Variants in GRM8 observed in about 807,000 individuals in gnomAD.
The protein encoded by GRM8 is metabotropic glutamate receptor 8.
In GRM8, 47 loss-of-function variants were observed where a neutral mutation model predicts 87.2. That is an observed-to-expected ratio of 0.54 (90% CI 0.43 to 0.69). The LOEUF (loss-of-function observed/expected upper bound fraction) is 0.69, where lower values mean the gene tolerates loss of function less well. GRM8 is among the 30% of genes least tolerant of loss of function. The pLI is 0.00. For missense variants in GRM8, 1,019 were observed against 1,139.2 expected (o/e 0.89, Z 1.52); for synonymous variants, 396 against 404.5 (o/e 0.98, Z 0.25).
chr7:127,222,277 A>G (rs1032638540), intron 2 of GRM8, among the ~76,000 whole-genome samples: 1 of 152,176 alleles, frequency 6.6e-6, no homozygotes, highest in African/African-American at 2.4e-5. Flanking sequence ...GCGTGGTGGC[A>G]CATACCTATG....
intron 3 of GRM8, among the ~76,000 whole-genome samples, chr7:127,024,064 T>G (rs1403814057): frequency 1.3e-5 from 2 of 152,092 alleles, no homozygotes; most frequent in Non-Finnish European, 2.9e-5. Context: ...ATAAAGTAGC[T>G]TTTTTAAAAG....
At chr7:126,543,358 C>T (rs1305256293) in intron 8 of GRM8, among the ~76,000 whole-genome samples, 1 of 152,166 alleles carries the variant, frequency 6.6e-6, no homozygotes, top group Non-Finnish European at 1.5e-5. Context: ...AAGAATCCCT[C>T]CTTCCTCTAG....
intron 6 of GRM8, among the ~76,000 whole-genome samples, chr7:126,813,299 G>A (rs1032958367): frequency 1.3e-5 from 2 of 152,028 alleles, no homozygotes; most frequent in African/African-American, 2.4e-5. Flanking sequence ...CTTCACCAAG[G>A]TTATGAGCCT....
chr7:126,739,391 C>T (rs1248934197), intron 7 of GRM8, among the ~76,000 whole-genome samples: 3 of 149,374 alleles, frequency 2.0e-5, no homozygotes, highest in African/African-American at 7.4e-5. Context: ...TCCAAAGTTA[C>T]TCAAAATTGT....
intron 7 of GRM8, among the ~76,000 whole-genome samples, chr7:126,760,806 A>C (rs1292501311): frequency 1.3e-5 from 2 of 152,216 alleles, no homozygotes; most frequent in Non-Finnish European, 2.9e-5. Flanking sequence ...TAGACAAGTA[A>C]ATTTAATCAT....
Position 126,903,565 on chromosome 7 carries a change from T to TACACACAC in GRM8, c.1018+399_1018+406dup, listed in dbSNP as rs35182354. 2.1e-4 allele frequency among the ~76,000 whole-genome samples: 25 copies of TACACACAC among 118,570 alleles called. 2 individuals are homozygous for TACACACAC. The highest frequency in any genetic ancestry group is 8.3e-4 in the Admixed American group (9 of 10,902). The allele number at this position is 118,570 out of a possible 152,430, so 77.8% of individuals were successfully genotyped here. On this transcript the variant is annotated intron_variant, in intron 5 of 10. Transcript: ENST00000339582. ...TAATGGGTCCTCTTTCCTAAATACA[T>TACACACAC]ACACACACACACACACACACACACA...
At chr7:126,530,171 C>G (rs1301798707) in intron 9 of GRM8, among the ~76,000 whole-genome samples, 1 of 152,210 alleles carries the variant, frequency 6.6e-6, no homozygotes, top group African/African-American at 2.4e-5. Flanking sequence ...TCTGTCTAAA[C>G]TTTTCAACTA....
rs71576286 is a variant in GRM8 at position 126,642,773 on chromosome 7, G to A, written c.1358-33275C>T. 9.5e-3 allele frequency among the ~76,000 whole-genome samples: 1,453 copies of A among 152,214 alleles called. 20 individuals are homozygous for A. Among genetic ancestry groups the A allele is most frequent in the Middle Eastern group, 0.017 (5 of 294 alleles). ...CCTTTAAGAGGCAGTGTTGCTAGTGGTCAAAAACACACTTGCTGGAATCAG... is the reference window on the plus strand; with the variant it reads ...CCTTTAAGAGGCAGTGTTGCTAGTGATCAAAAACACACTTGCTGGAATCAG... On this transcript the variant is annotated intron_variant, in intron 7 of 10. Coordinates refer to ENST00000339582, the MANE Select transcript of GRM8 (RefSeq NM_000845.3).
At chr7:127,203,985 T>C (rs1795765442) in intron 2 of GRM8, among the ~76,000 whole-genome samples, 1 of 152,154 alleles carries the variant, frequency 6.6e-6, no homozygotes, top group Admixed American at 6.5e-5. Flanking sequence ...ACAGGTCAAA[T>C]TGAAATGTTT....
At chr7:126,669,647 C>T (rs571415825) in intron 7 of GRM8, among the ~76,000 whole-genome samples, 21 of 152,224 alleles carry the variant, frequency 1.4e-4, no homozygotes, top group Middle Eastern at 3.4e-3. Context: ...CCTTATTATG[C>T]TATAGTCAAA....
chr7:127,242,769 T>C lies in GRM8; in HGVS notation c.436A>G (p.Lys146Glu), dbSNP rs1798380703. 1.9e-6 allele frequency: 3 copies of C among 1,614,234 alleles called. No homozygotes were observed. Among genetic ancestry groups the C allele is most frequent in the Non-Finnish European group, 2.5e-6 (3 of 1,180,042 alleles). ...GDPPIFTKPD[K>E]ISGVIGAAAS... ...GCAGCACCTATGACGCCAGAAATCTTGTCGGGCTTGGTGAAAATGGGTGGA... is the reference window on the plus strand; with the variant it reads ...GCAGCACCTATGACGCCAGAAATCTCGTCGGGCTTGGTGAAAATGGGTGGA... The change falls in exon 2 of 11, where the codon AAG becomes GAG. Residue 146 changes from lysine to glutamate, a missense_variant. Lys to Glu is a moderately conservative substitution (Grantham distance 56, BLOSUM62 1). Transcript: ENST00000339582.
At chr7:126,942,848 CAG>C (rs968264458) in intron 3 of GRM8, among the ~76,000 whole-genome samples, 7 of 152,236 alleles carry the variant, frequency 4.6e-5, no homozygotes, top group African/African-American at 1.7e-4. Flanking sequence ...GGTCATTAAA[CAG>C]AGAGTACTCT....
At chr7:126,728,222 A>C (rs1813221114) in intron 7 of GRM8, among the ~76,000 whole-genome samples, 1 of 152,174 alleles carries the variant, frequency 6.6e-6, no homozygotes, top group Admixed American at 6.5e-5. Flanking sequence ...TAGCAAATCA[A>C]GGAAGGGAGA....
chr7:127,235,188 G>A (rs1016303628), intron 2 of GRM8, among the ~76,000 whole-genome samples: 1 of 152,138 alleles, frequency 6.6e-6, no homozygotes, highest in Non-Finnish European at 1.5e-5. Flanking sequence ...CTAAAAGCAC[G>A]CTCTTAAGAT....
chr7:127,018,273 GGC>G (rs1169705270), intron 3 of GRM8, among the ~76,000 whole-genome samples: 2 of 151,818 alleles, frequency 1.3e-5, no homozygotes, highest in African/African-American at 4.8e-5. Flanking sequence ...TGACATACCT[GGC>G]AAATGAGTAA....
chr7:126,483,344 C>T (rs1191374467), intron 9 of GRM8, among the ~76,000 whole-genome samples: 5 of 150,802 alleles, frequency 3.3e-5, no homozygotes, highest in Non-Finnish European at 1.5e-5. Flanking sequence ...TTCCTCAACA[C>T]TTATAACTAG....
chr7:126,516,972 T>G lies in GRM8; in HGVS notation c.2430+15980A>C, dbSNP rs1296427541. ...GTGGAGAATAGAAAAAAAAGTCTTA[T>G]AAACAAATCATGTTATAACATATCT... On this transcript the variant is annotated intron_variant, in intron 9 of 10. Transcript: ENST00000339582. Among the ~76,000 whole-genome samples, 6 of 152,206 alleles carry G rather than the reference T, an allele frequency of 3.9e-5. No individual in the cohort carries two copies. In the East Asian group the frequency reaches 9.7e-4, roughly 25 times the overall value.
chr7:126,543,488 A>G (rs1310692083), intron 8 of GRM8, among the ~76,000 whole-genome samples: 3 of 152,232 alleles, frequency 2.0e-5, no homozygotes, highest in Non-Finnish European at 4.4e-5. Context: ...AGATCCTAAC[A>G]TCATGACTAA....
chr7:126,844,393 C>T (rs1796529550), intron 6 of GRM8, among the ~76,000 whole-genome samples: 1 of 152,152 alleles, frequency 6.6e-6, no homozygotes, highest in African/African-American at 2.4e-5. Flanking sequence ...TGTAACCAAA[C>T]TTGTTTTGCA....
Sources: gnomAD v4.1 joint callset for allele counts (sites outside exome capture counted in the v4.1 genomes callset) on GRCh38, gnomAD v4.1.1 for gene constraint, MANE v1.5 for transcripts, NCBI Gene and HGNC (gene_info 2026-07-23, HGNC 2026-07-21) for gene names.